Variants in PCNX1 observed in about 807,000 individuals in gnomAD.
PCNX1 encodes the protein pecanex-like protein 1.
A neutral mutation model predicts 242.2 loss-of-function variants in PCNX1; 78 were observed. The observed-to-expected ratio is 0.32, with a 90% CI of 0.27 to 0.39. The LOEUF (loss-of-function observed/expected upper bound fraction) is 0.39, where lower values mean the gene tolerates loss of function less well. Ranked by LOEUF, PCNX1 falls within the 10% of genes least tolerant of loss-of-function variation. The pLI is 1.00. For synonymous variants in PCNX1, 1,024 were observed against 1,032.9 expected (o/e 0.99, Z 0.17); for missense variants, 2,581 against 2,856.5 (o/e 0.90, Z 2.20).
At position 70,978,293 on chromosome 14, in the gene PCNX1, G is replaced by T; in HGVS notation, c.1956G>T (p.Arg652Ser). ...AGACCAAACACACTCATAAAGAAAG[G>T]GGCACAGACTCTGAACACACACACA... ...ALKTKHTHKE[R>S]GTDSEHTHKA... Residue 652 changes from arginine (R) to serine (S), a missense_variant, in exon 6 of 36, where the codon AGG becomes AGT. Physicochemically the swap from Arg to Ser is moderately radical, Grantham distance 110. Coordinates refer to ENST00000304743, the MANE Select transcript of PCNX1 (RefSeq NM_014982.3). 1 of 1,614,058 alleles carries T rather than the reference G, an allele frequency of 6.2e-7. No homozygotes were observed. Among genetic ancestry groups the T allele is most frequent in the South Asian group, 1.1e-5 (1 of 91,072 alleles).
chr14:71,050,719 G>T lies in PCNX1; in HGVS notation c.4406G>T (p.Gly1469Val). ...ATTGCCCCATGGCAGATCACATGGG[G>T]TTCTGCTTTCCATGCTTTTGCTCAG... The part of the protein sequence containing the change: ...TYIAPWQITW[G>V]SAFHAFAQPF... Residue 1469 changes from glycine to valine, a missense_variant, in exon 23 of 36, where the codon GGT becomes GTT. By Grantham distance (109) the Gly-to-Val change is moderately radical. This residue lies in a region of PCNX1 where 99 missense variants were observed against 147.3 expected (regional missense o/e 0.67). Coordinates refer to ENST00000304743, the MANE Select transcript of PCNX1 (RefSeq NM_014982.3). The T allele has an allele frequency of 6.2e-7, 1 of 1,613,460 alleles. No individual in the cohort carries two copies.
At chr14:71,032,624 A>G (rs2060420770) in intron 16 of PCNX1, among the ~76,000 whole-genome samples, 1 of 152,256 alleles carries the variant, frequency 6.6e-6, no homozygotes, top group Non-Finnish European at 1.5e-5. Flanking sequence ...GGCAAGTTGT[A>G]TTAAAAACTG....
intron 3 of PCNX1, 72 bp downstream of exon 3, chr14:70,962,403 T>TACGG: frequency 1.3e-6 from 1 of 775,454 alleles, no homozygotes; most frequent in South Asian, 1.5e-5. Context: ...TCTCGTGTCT[T>TACGG]TAAGTCGGCT....
At chr14:71,024,158 C>G (rs2060177518) in intron 13 of PCNX1, among the ~76,000 whole-genome samples, 1 of 152,142 alleles carries the variant, frequency 6.6e-6, no homozygotes. Context: ...CCTTCTTTCT[C>G]TCTGCTAGCT....
At position 71,057,552 on chromosome 14, in the gene PCNX1, A is replaced by G. The variant is rs1357104592; in HGVS notation, c.4680A>G (p.Leu1560=). Residue 1560 remains leucine, a synonymous_variant, in exon 26 of 36, where the codon TTA becomes TTG. Transcript: ENST00000304743. ...TGAATTCCATCTTTTATGAGCATTTAACTAGATCCCTACAGCACAGCCTCT... is the reference window on the plus strand; with the variant it reads ...TGAATTCCATCTTTTATGAGCATTTGACTAGATCCCTACAGCACAGCCTCT... ...NNLNSIFYEH[L]TRSLQHSLCG... 2 of 1,613,680 alleles carry G rather than the reference A, an allele frequency of 1.2e-6. No homozygotes were observed. The highest frequency in any genetic ancestry group is 8.5e-7 in the Non-Finnish European group (1 of 1,179,582).
rs111425564 is a variant in PCNX1 at position 71,060,279 on chromosome 14, C to G, written c.4852+2555C>G. ...TGGTCATGTAAAAATCTAGCACATACAATTATGTACAGTACATAGTACTAG... is the reference window on the plus strand; with the variant it reads ...TGGTCATGTAAAAATCTAGCACATAGAATTATGTACAGTACATAGTACTAG... On this transcript the variant is annotated intron_variant, in intron 26 of 35. Transcript: ENST00000304743. Among the ~76,000 whole-genome samples, 1,216 of 152,040 alleles carry G rather than the reference C, an allele frequency of 8.0e-3. 10 individuals carry two copies. The highest frequency in any genetic ancestry group is 0.024 in the Middle Eastern group (7 of 294).
At chr14:71,073,393 A>T (rs917404816) in intron 26 of PCNX1, 152 bp from the exon 27 acceptor site, 9 of 737,602 alleles carry the variant, frequency 1.2e-5, no homozygotes, top group Middle Eastern at 3.8e-4. Context: ...GGAGTTTGCT[A>T]CAATTTGTTA....
chr14:71,108,461 C>T, intron 33 of PCNX1, 143 bp from the exon 34 acceptor site: 1 of 564,310 alleles, frequency 1.8e-6, no homozygotes, highest in Non-Finnish European at 3.1e-6. Context: ...TTTTTCTTAA[C>T]TTTAAAAGTT....
At chr14:70,970,537 G>A (rs1398679237) in intron 5 of PCNX1, among the ~76,000 whole-genome samples, 1 of 152,168 alleles carries the variant, frequency 6.6e-6, no homozygotes, top group Non-Finnish European at 1.5e-5. Flanking sequence ...TATCTGGAAA[G>A]TACCATATGC....
intron 1 of PCNX1, among the ~76,000 whole-genome samples, chr14:70,918,122 C>A (rs1030268523): frequency 6.6e-6 from 1 of 152,154 alleles, no homozygotes; most frequent in African/African-American, 2.4e-5. Flanking sequence ...CTGGTTTGAT[C>A]TTCTATTCAG....
chr14:71,010,564 A>G (rs568172788), intron 9 of PCNX1, among the ~76,000 whole-genome samples: 1 of 152,250 alleles, frequency 6.6e-6, no homozygotes, highest in African/African-American at 2.4e-5. Flanking sequence ...AGAGCAAATA[A>G]ATTAGAAATC....
chr14:71,090,941 G>T (rs1445147797), intron 30 of PCNX1, among the ~76,000 whole-genome samples: 1 of 152,136 alleles, frequency 6.6e-6, no homozygotes, highest in Non-Finnish European at 1.5e-5. Context: ...TATTCCTTTG[G>T]CTGTGGCATT....
chr14:70,995,916 G>A lies in PCNX1; in HGVS notation c.2620G>A (p.Asp874Asn), dbSNP rs143764581. 3.1e-6 allele frequency: 5 copies of A among 1,613,098 alleles called. No homozygotes were observed. Among genetic ancestry groups the A allele is most frequent in the African/African-American group, 1.3e-5 (1 of 74,898 alleles). The change falls in exon 8 of 36, where the codon GAT becomes AAT. Residue 874 changes from aspartate (D) to asparagine (N), a missense_variant. Coordinates refer to ENST00000304743, the MANE Select transcript of PCNX1 (RefSeq NM_014982.3). ...TGCTGTAGGCGGTAGCAGTTTGCACGATGAACTTGGTATGCAGGCCTTATG... is the reference window on the plus strand; with the variant it reads ...TGCTGTAGGCGGTAGCAGTTTGCACAATGAACTTGGTATGCAGGCCTTATG... ...ASAVGGSSLH[D>N]ELGKFSSTLY...
At chr14:71,013,349 G>T in intron 11 of PCNX1, 147 bp downstream of exon 11, 2 of 716,046 alleles carry the variant, frequency 2.8e-6, no homozygotes, top group Non-Finnish European at 2.5e-6. Context: ...TTAAGGTAAT[G>T]GGTTTCTAAA....
In PCNX1 at chr14:70,976,977, T is replaced by C; in HGVS notation, c.640T>C (p.Ser214Pro). The C allele has an allele frequency of 1.2e-6, 2 of 1,613,818 alleles. No individual in the cohort carries two copies. The highest frequency in any genetic ancestry group is 1.7e-6 in the Non-Finnish European group (2 of 1,179,758). The change falls in exon 6 of 36, where the codon TCC becomes CCC. Residue 214 changes from serine to proline, a missense_variant. By Grantham distance (74) the Ser-to-Pro change is moderately conservative. This residue lies in a region of PCNX1 where 1,204 missense variants were observed against 1,216.7 expected (regional missense o/e 0.99). Transcript: ENST00000304743. Reference protein sequence around the residue: ...AADRKLFRLVSNDSFISIQPS... With the variant: ...AADRKLFRLVPNDSFISIQPS... ...TGATCGGAAGCTCTTTCGTCTTGTCTCCAATGACTCCTTCATCTCTATTCA... is the reference window on the plus strand; with the variant it reads ...TGATCGGAAGCTCTTTCGTCTTGTCCCCAATGACTCCTTCATCTCTATTCA...
chr14:70,931,654 A>G (rs2056803837), intron 1 of PCNX1, among the ~76,000 whole-genome samples: 1 of 152,234 alleles, frequency 6.6e-6, no homozygotes, highest in Non-Finnish European at 1.5e-5. Flanking sequence ...CTTTTTCTAC[A>G]AGATACTATT....
intron 26 of PCNX1, among the ~76,000 whole-genome samples, chr14:71,068,449 T>G (rs1488606566): frequency 6.7e-6 from 1 of 149,278 alleles, no homozygotes; most frequent in South Asian, 2.1e-4. Flanking sequence ...TGTATATGTA[T>G]ATATGTGTAT....
chr14:71,016,998 CAAAAG>C (rs571727860), intron 11 of PCNX1, among the ~76,000 whole-genome samples: 8 of 151,962 alleles, frequency 5.3e-5, no homozygotes, highest in South Asian at 4.2e-4. Flanking sequence ...CAGAAAAAAA[CAAAAG>C]AAGAGGAAAG....
chr14:71,045,029 GGAC>G, intron 19 of PCNX1, 101 bp from the exon 20 acceptor site: 1 of 734,884 alleles, frequency 1.4e-6, no homozygotes, highest in Non-Finnish European at 2.2e-6. Context: ...ATTCTAAAAT[GGAC>G]GTTGTCCATT....
Sources: gnomAD v4.1 joint callset for allele counts (sites outside exome capture counted in the v4.1 genomes callset) on GRCh38, gnomAD v4.1.1 for gene constraint, gnomAD v4.1.1 regional missense constraint, MANE v1.5 for transcripts, NCBI Gene and HGNC (gene_info 2026-07-23, HGNC 2026-07-21) for gene names.